The following PPFIA1 variants were observed in gnomAD, a reference collection of about 807,000 sequenced individuals.
PPFIA1 encodes PPFI scaffold protein A1.
PPFIA1 carries 25 observed loss-of-function variants against 149.9 expected under a neutral mutation model. The ratio of observed to expected loss-of-function variants is 0.17; its 90% confidence interval spans 0.12 to 0.23. PPFIA1 has a LOEUF of 0.23. Among genes scored for constraint, PPFIA1 ranks in the 10% least tolerant of loss-of-function variants. The pLI, the probability that PPFIA1 is intolerant of heterozygous loss-of-function variation, is 1.00. For missense variants in PPFIA1, 1,362 were observed against 1,506.5 expected (o/e 0.90, Z 1.59); for synonymous variants, 549 against 552.8 (o/e 0.99, Z 0.10).
chr11:70,376,392 G>A, intron 24 of PPFIA1, 140 bp from the exon 25 acceptor site: 1 of 795,858 alleles, frequency 1.3e-6, no homozygotes, highest in Non-Finnish European at 2.1e-6. Flanking sequence ...GTCCGAAAGT[G>A]TTGGAATTAC....
chr11:70,299,077 A>G (rs191473946), intron 2 of PPFIA1, among the ~76,000 whole-genome samples: 4 of 152,166 alleles, frequency 2.6e-5, no homozygotes, highest in African/African-American at 9.6e-5. Context: ...CGTCTCTACT[A>G]AAAACACAAA....
chr11:70,373,984 A>C (rs1163606221), intron 23 of PPFIA1: 1 of 152,160 alleles, frequency 6.6e-6, no homozygotes, highest in African/African-American at 2.4e-5. Flanking sequence ...AGATCTTTGG[A>C]AGTGTCTTTG....
At chr11:70,277,056 A>AT (rs1256611836) in intron 2 of PPFIA1, among the ~76,000 whole-genome samples, 3,346 of 31,336 alleles carry the variant, frequency 0.11, 90 homozygotes, top group East Asian at 0.16. Context: ...ATATATATAT[A>AT]TATATTTTTT....
At position 70,278,013 on chromosome 11, in the gene PPFIA1, C is replaced by T. The variant is rs543192478; in HGVS notation, c.264+5577C>T. On this transcript the variant is annotated intron_variant, in intron 2 of 27. Transcript: ENST00000253925. ...GCAACCACCGCCTCCCGGGTTCAAGCAATTCTCCTGCCTCAGCCGCCCGAG... is the reference window on the plus strand; with the variant it reads ...GCAACCACCGCCTCCCGGGTTCAAGTAATTCTCCTGCCTCAGCCGCCCGAG... Among the ~76,000 whole-genome samples the T allele has an allele frequency of 1.2e-4, 19 of 152,208 alleles. 2 individuals carry two copies. Among genetic ancestry groups the T allele is most frequent in the African/African-American group, 4.6e-4 (19 of 41,512 alleles).
rs768262846 is a variant in PPFIA1, at chr11:70,376,586, A to G, written c.3370A>G (p.Arg1124Gly). ...CAACCTTTTGGTCATGGGGACTGAT[A>G]GAAGGTTTGATGAAGTAAGTTTTTG... ...FNNLLVMGTD[R>G]RFDEDDDKSF... Residue 1124 changes from arginine (R) to glycine (G), a missense_variant, in exon 25 of 28, where the codon AGA (arginine) becomes GGA (glycine). Around this residue, in one of 7 missense-constraint regions of PPFIA1, gnomAD observed 349 missense variants for 373.3 expected, o/e 0.93. Transcript: ENST00000253925. 4.3e-6 allele frequency: 7 copies of G among 1,613,382 alleles called. No individual in the cohort carries two copies. The highest frequency in any genetic ancestry group is 1.3e-5 in the African/African-American group (1 of 74,928).
intron 8 of PPFIA1, among the ~76,000 whole-genome samples, 174 bp from the exon 9 acceptor site, chr11:70,331,785 CA>C (rs1192518425): frequency 2.1e-5 from 1 of 47,720 alleles, no homozygotes; most frequent in Non-Finnish European, 3.6e-5. Flanking sequence ...GTCTCAAAAA[CA>C]AAAACAAAAA....
chr11:70,370,640 G>A (rs551198292), intron 21 of PPFIA1, among the ~76,000 whole-genome samples: 10 of 151,996 alleles, frequency 6.6e-5, no homozygotes, highest in Admixed American at 2.6e-4. Context: ...CGCCTGCCTC[G>A]GCCTCCCAGA....
At chr11:70,357,858 A>G (rs557855187) in intron 19 of PPFIA1, among the ~76,000 whole-genome samples, 1 of 152,274 alleles carries the variant, frequency 6.6e-6, no homozygotes, top group African/African-American at 2.4e-5. Flanking sequence ...AAGTGCTGGG[A>G]TTACAGGCGT....
chr11:70,361,517 T>G (rs745702478), intron 19 of PPFIA1, among the ~76,000 whole-genome samples: 1 of 152,214 alleles, frequency 6.6e-6, no homozygotes, highest in Non-Finnish European at 1.5e-5. Flanking sequence ...GAGGGCAGAC[T>G]GTATACTGCT....
At chr11:70,276,329 T>A (rs2050380053) in intron 2 of PPFIA1, among the ~76,000 whole-genome samples, 1 of 151,462 alleles carries the variant, frequency 6.6e-6, no homozygotes, top group African/African-American at 2.4e-5. Flanking sequence ...CTTCAGGAGC[T>A]CCTGAGAAAG....
chr11:70,294,934 C>G (rs2353299), intron 2 of PPFIA1, among the ~76,000 whole-genome samples: 1 of 150,648 alleles, frequency 6.6e-6, no homozygotes, highest in Non-Finnish European at 1.5e-5. Flanking sequence ...AACAAAATGA[C>G]AAGTCTCCCA....
At chr11:70,357,994 TA>T (rs2137409966) in intron 19 of PPFIA1, among the ~76,000 whole-genome samples, 2 of 152,310 alleles carry the variant, frequency 1.3e-5, no homozygotes, top group South Asian at 4.1e-4. Flanking sequence ...TTTCATTCCT[TA>T]GATTTTGCTA....
At chr11:70,365,876 T>C in intron 21 of PPFIA1, 1 of 449,560 alleles carries the variant, frequency 2.2e-6, no homozygotes, top group Admixed American at 2.5e-5. Flanking sequence ...TTGCGTTGCC[T>C]GCATTACCGA....
At chr11:70,345,355 G>A (rs1483951004) in intron 15 of PPFIA1, among the ~76,000 whole-genome samples, 2 of 151,464 alleles carry the variant, frequency 1.3e-5, no homozygotes, top group Non-Finnish European at 1.5e-5. Context: ...TTTAAGAAGG[G>A]AGGCCAGGGA....
chr11:70,365,315 CCT>C (rs1186719971), intron 21 of PPFIA1: 1 of 452,024 alleles, frequency 2.2e-6, no homozygotes, highest in African/African-American at 2.0e-5. Flanking sequence ...GTGCCCCTCT[CCT>C]CTTTGTCACT....
rs185934856 is a variant in PPFIA1 at position 70,306,350 on chromosome 11, C to T, written c.265-18052C>T. ...ATTAAAAACATTGATAGTTAAAGTA[C>T]GTAACCCTTTGACGCAGCAGGTTCA... On this transcript the variant is annotated intron_variant, in intron 2 of 27. Coordinates refer to ENST00000253925, the MANE Select transcript of PPFIA1 (RefSeq NM_003626.5). Among the ~76,000 whole-genome samples, 366 of 152,088 alleles carry T rather than the reference C, an allele frequency of 2.4e-3. 2 individuals are homozygous for T. Among genetic ancestry groups the T allele is most frequent in the Non-Finnish European group, 4.1e-3 (276 of 68,016 alleles).
intron 2 of PPFIA1, among the ~76,000 whole-genome samples, chr11:70,304,150 T>C (rs1462416577): frequency 6.6e-6 from 1 of 152,214 alleles, no homozygotes; most frequent in Non-Finnish European, 1.5e-5. Flanking sequence ...TAATCAGTCA[T>C]GCCTATGTAA....
In PPFIA1 at chr11:70,326,445, A is replaced by G. The variant is rs569750899; in HGVS notation, c.708+82A>G. 3.1e-5 allele frequency: 42 copies of G among 1,366,908 alleles called. No individual in the cohort carries two copies. The East Asian group carries it at 9.4e-4, about 31-fold the overall frequency. 84.7% of individuals were successfully genotyped at this position (1,366,908 alleles called of 1,614,324 possible). On this transcript the variant is annotated intron_variant, in intron 6 of 27. Coordinates refer to ENST00000253925, the MANE Select transcript of PPFIA1 (RefSeq NM_003626.5). ...TCGGGTTATGTGGAAAACAGTTGCT[A>G]AAGTACCGGCTTAGAGCTGAAGTGG...
chr11:70,356,928 A>T (rs1418781310), intron 19 of PPFIA1, among the ~76,000 whole-genome samples: 1 of 152,180 alleles, frequency 6.6e-6, no homozygotes, highest in Non-Finnish European at 1.5e-5. Context: ...AATATTTGGG[A>T]TGGCTTTGAA....
Sources: gnomAD v4.1 joint callset for allele counts (sites outside exome capture counted in the v4.1 genomes callset) on GRCh38, gnomAD v4.1.1 for gene constraint, gnomAD v4.1.1 regional missense constraint, MANE v1.5 for transcripts, NCBI Gene and HGNC (gene_info 2026-07-23, HGNC 2026-07-21) for gene names.